Variants in HUNK observed in about 807,000 individuals in gnomAD.
The protein encoded by HUNK is hormonally up-regulated neu tumor-associated kinase.
HUNK carries 21 observed loss-of-function variants against 61.0 expected under a neutral mutation model. That is an observed-to-expected ratio of 0.34 (90% CI 0.24 to 0.50). The LOEUF (loss-of-function observed/expected upper bound fraction) is 0.50, where lower values mean the gene tolerates loss of function less well. Among genes scored for constraint, HUNK ranks in the 20% least tolerant of loss-of-function variants. The pLI is 0.98. For missense variants in HUNK, 772 were observed against 945.7 expected, an observed-to-expected ratio of 0.82 and a Z score of 2.41; for synonymous variants, 371 against 386.1, an observed-to-expected ratio of 0.96 and a Z score of 0.46.
At chr21:31,914,176 G>A (rs902281241) in intron 1 of HUNK, among the ~76,000 whole-genome samples, 2 of 152,012 alleles carry the variant, frequency 1.3e-5, no homozygotes, top group Non-Finnish European at 2.9e-5. Context: ...GGGAGGCCAA[G>A]GCGGGCGGAT....
intron 2 of HUNK, among the ~76,000 whole-genome samples, chr21:31,925,229 T>C (rs1473069236): frequency 6.6e-6 from 1 of 152,258 alleles, no homozygotes; most frequent in Non-Finnish European, 1.5e-5. Context: ...AACCTGGCTC[T>C]GCCCTGTAAC....
intron 2 of HUNK, among the ~76,000 whole-genome samples, chr21:31,936,159 T>G (rs989405418): frequency 6.6e-6 from 1 of 152,232 alleles, no homozygotes; most frequent in Non-Finnish European, 1.5e-5. Context: ...TTATCCATTC[T>G]GCTGCTGAAG....
intron 2 of HUNK, among the ~76,000 whole-genome samples, chr21:31,935,868 G>C (rs900566036): frequency 6.6e-6 from 1 of 151,686 alleles, no homozygotes; most frequent in African/African-American, 2.4e-5. Flanking sequence ...CCCTAGGCTG[G>C]AGCGCAGTGG....
chr21:31,993,785 A>T (rs143549795), intron 9 of HUNK, among the ~76,000 whole-genome samples: 8 of 152,254 alleles, frequency 5.3e-5, no homozygotes, highest in African/African-American at 1.4e-4. Flanking sequence ...TGCTGGCTTC[A>T]ACCAAGGTGA....
intron 4 of HUNK, among the ~76,000 whole-genome samples, chr21:31,957,728 A>T (rs2052899336): frequency 6.6e-6 from 1 of 152,192 alleles, no homozygotes; most frequent in Non-Finnish European, 1.5e-5. Context: ...TTGGCTTTGG[A>T]TAGGTGCAGT....
At chr21:31,900,613 G>A (rs1180904229) in intron 1 of HUNK, among the ~76,000 whole-genome samples, 1 of 152,192 alleles carries the variant, frequency 6.6e-6, no homozygotes, top group Admixed American at 6.5e-5. Context: ...TCCTCTTCGA[G>A]TCTGGCTCTC....
At chr21:31,923,923 C>T (rs1181563066) in intron 1 of HUNK, among the ~76,000 whole-genome samples, 1 of 152,124 alleles carries the variant, frequency 6.6e-6, no homozygotes, top group East Asian at 1.9e-4. Flanking sequence ...AGGGTGTGCA[C>T]AGGGCAGGGC....
chr21:31,948,331 A>G (rs934362416), intron 4 of HUNK, among the ~76,000 whole-genome samples: 2 of 152,100 alleles, frequency 1.3e-5, no homozygotes, highest in African/African-American at 2.4e-5. Flanking sequence ...CAGCCCTTAC[A>G]TGCACAGTTC....
At position 31,998,920 on chromosome 21, in the gene HUNK, G is replaced by T. The variant is rs2053226309; in HGVS notation, c.1881G>T (p.Lys627Asn). The change falls in exon 11 of 11, where the codon AAG becomes AAT. Residue 627 changes from lysine (K) to asparagine (N), a missense_variant. Physicochemically the swap from Lys to Asn is moderately conservative, Grantham distance 94 (BLOSUM62 0). Coordinates refer to ENST00000270112, the MANE Select transcript of HUNK (RefSeq NM_014586.2). ...PTLVSFAHEDKNSPPKEEGLC... is the reference protein window; with the variant it reads ...PTLVSFAHEDNNSPPKEEGLC... ...TGGTCTCTTTTGCTCACGAAGATAAGAACAGCCCCCCAAAAGAGGAGGGCC... is the reference window on the plus strand; with the variant it reads ...TGGTCTCTTTTGCTCACGAAGATAATAACAGCCCCCCAAAAGAGGAGGGCC... 4 of 1,614,218 alleles carry T rather than the reference G, an allele frequency of 2.5e-6. No homozygotes were observed. The highest frequency in any genetic ancestry group is 3.4e-6 in the Non-Finnish European group (4 of 1,180,040).
chr21:31,877,613 T>G (rs2052273776), intron 1 of HUNK, among the ~76,000 whole-genome samples: 1 of 152,218 alleles, frequency 6.6e-6, no homozygotes, highest in South Asian at 2.1e-4. Flanking sequence ...GTGAAACTCT[T>G]AATAGGTACC....
At chr21:31,938,543 C>T (rs2052747267) in intron 2 of HUNK, among the ~76,000 whole-genome samples, 1 of 152,220 alleles carries the variant, frequency 6.6e-6, no homozygotes, top group Non-Finnish European at 1.5e-5. Flanking sequence ...CTAGCTATCG[C>T]TCCTTTTTGT....
chr21:31,909,231 A>G (rs2052529300), intron 1 of HUNK, among the ~76,000 whole-genome samples: 1 of 152,234 alleles, frequency 6.6e-6, no homozygotes. Context: ...TGTACAGCCC[A>G]GCAATTCTAC....
intron 5 of HUNK, among the ~76,000 whole-genome samples, chr21:31,963,904 T>C (rs2052945909): frequency 6.6e-6 from 1 of 152,236 alleles, no homozygotes; most frequent in African/African-American, 2.4e-5. Flanking sequence ...ATTATTGCCC[T>C]TGTGAATCCA....
rs143960709 is a variant in HUNK at position 31,888,655 on chromosome 21, G to A, written c.261+14720G>A. ...CTCGGGAGGCTGAGGCAGGAGAATC[G>A]CTTGAACCCAGGAGGCGGAGGTTAT... On this transcript the variant is annotated intron_variant, in intron 1 of 10. Transcript: ENST00000270112. Among the ~76,000 whole-genome samples, 188 of 152,152 alleles carry A rather than the reference G, an allele frequency of 1.2e-3. 1 individual carries two copies. The highest frequency in any genetic ancestry group is 3.9e-3 in the African/African-American group (162 of 41,518).
intron 3 of HUNK, 113 bp from the exon 4 acceptor site, chr21:31,945,923 G>T: frequency 9.5e-7 from 1 of 1,057,588 alleles, no homozygotes; most frequent in South Asian, 1.6e-5. Context: ...TGATGTGTTA[G>T]CCTGAGAGAA....
intron 1 of HUNK, among the ~76,000 whole-genome samples, chr21:31,881,095 C>G (rs956537524): frequency 4.6e-5 from 7 of 152,212 alleles, no homozygotes; most frequent in Non-Finnish European, 7.3e-5. Flanking sequence ...GGAGAGCTCA[C>G]AGCTGATAGC....
At chr21:31,955,958 C>T (rs754512862) in intron 4 of HUNK, among the ~76,000 whole-genome samples, 3 of 152,236 alleles carry the variant, frequency 2.0e-5, no homozygotes, top group Non-Finnish European at 4.4e-5. Flanking sequence ...CAATTCACTC[C>T]AACTCTGTTG....
intron 4 of HUNK, among the ~76,000 whole-genome samples, chr21:31,947,625 A>G (rs1358272996): frequency 6.6e-6 from 1 of 152,226 alleles, no homozygotes; most frequent in Non-Finnish European, 1.5e-5. Context: ...GGTCTGGTAC[A>G]GGAAGGGCCA....
chr21:31,958,841 A>G lies in HUNK; in HGVS notation c.747-2A>G. On this transcript the variant is annotated splice_acceptor_variant, in intron 4 of 10. Transcript: ENST00000270112. LOFTEE classifies it high-confidence loss of function. ...CTTTCATGTGTATGTCTCTCTTTTC[A>G]GAGGTGTGAACATGTATGCCATGTT... The G allele has an allele frequency of 6.3e-7, 1 of 1,589,020 alleles. No individual in the cohort carries two copies. Among genetic ancestry groups the G allele is most frequent in the Non-Finnish European group, 8.6e-7 (1 of 1,167,408 alleles).
Sources: gnomAD v4.1 joint callset for allele counts (sites outside exome capture counted in the v4.1 genomes callset) on GRCh38, gnomAD v4.1.1 for gene constraint, MANE v1.5 for transcripts, NCBI Gene and HGNC (gene_info 2026-07-23, HGNC 2026-07-21) for gene names.